GALK2: variants seen among roughly 807,000 people sequenced by gnomAD.
GALK2 encodes the protein N-acetylgalactosamine kinase.
GALK2 carries 36 observed loss-of-function variants against 52.4 expected under a neutral mutation model. The ratio of observed to expected loss-of-function variants is 0.69; its 90% CI spans 0.53 to 0.91. The LOEUF (loss-of-function observed/expected upper bound fraction) is 0.91. GALK2 is among the 40% of genes least tolerant of loss of function. GALK2 has a pLI of 0.00. For missense variants in GALK2, 579 were observed against 559.1 expected (o/e 1.04, Z -0.36); for synonymous variants, 176 against 199.1 (o/e 0.88, Z 0.98).
In GALK2 at chr15:49,319,693, C is replaced by T. The variant is rs577880125; in HGVS notation, c.1057C>T (p.Pro353Ser). The change falls in exon 9 of 10, where the codon CCT (proline) becomes TCT (serine). Residue 353 changes from proline to serine, a missense_variant. Pro to Ser is a moderately conservative substitution (Grantham distance 74). Coordinates refer to ENST00000560031, the MANE Select transcript of GALK2 (RefSeq NM_002044.4). ...LQFKKICEEA[P>S]ENMVQLLGEL... is the part of the protein sequence containing the mutation. The stretch of plus-strand genomic sequence containing the variant: ...GTTTAAGAAGATATGTGAAGAAGCA[C>T]CTGAAAACATGGTCCAGCTGCTGGG... 8 of 1,614,128 alleles carry T rather than the reference C, an allele frequency of 5.0e-6. No homozygotes were observed. Among genetic ancestry groups the T allele is most frequent in the Middle Eastern group, 3.3e-4 (2 of 6,060 alleles).
chr15:49,308,189 A>G (rs1202630493), intron 8 of GALK2, among the ~76,000 whole-genome samples: 1 of 152,202 alleles, frequency 6.6e-6, no homozygotes, highest in African/African-American at 2.4e-5. Flanking sequence ...TGCAAAGGGA[A>G]ACAGAGGACT....
rs570413182 is a variant in GALK2 at position 49,202,129 on chromosome 15, G to T, written c.142+879G>T. Among the ~76,000 whole-genome samples, 5 of 152,114 alleles carry T rather than the reference G, an allele frequency of 3.3e-5. No individual in the cohort carries two copies. In the South Asian group the frequency reaches 1.0e-3, roughly 32 times the overall value. On this transcript the variant is annotated intron_variant, in intron 2 of 9. Transcript: ENST00000560031. ...AGTGATTCTCCTGCCTCAGCCTCCCGAGTAGCTGGGATTACAGGCATGTGC... is the reference window on the plus strand; with the variant it reads ...AGTGATTCTCCTGCCTCAGCCTCCCTAGTAGCTGGGATTACAGGCATGTGC...
chr15:49,328,118 A>G lies in GALK2; in HGVS notation c.1336A>G (p.Thr446Ala). 1 of 1,614,136 alleles carries G rather than the reference A, an allele frequency of 6.2e-7. No individual in the cohort carries two copies. Among genetic ancestry groups the G allele is most frequent in the Admixed American group, 1.7e-5 (1 of 60,014 alleles). ...LAPEKQSLFATKPGGGALVLL... is the reference protein window; with the variant it reads ...LAPEKQSLFAAKPGGGALVLL... ...ACCGGAGAAGCAAAGTTTGTTTGCT[A>G]CCAAACCTGGAGGTGGGGCTTTGGT... The change falls in exon 10 of 10, where the codon ACC becomes GCC. Residue 446 changes from threonine (T) to alanine (A), a missense_variant. Physicochemically the swap from Thr to Ala is moderately conservative, Grantham distance 58. Coordinates refer to ENST00000560031, the MANE Select transcript of GALK2 (RefSeq NM_002044.4).
At chr15:49,164,018 T>A (rs1479171669) in intron 1 of GALK2, among the ~76,000 whole-genome samples, 1 of 152,160 alleles carries the variant, frequency 6.6e-6, no homozygotes. Context: ...ATTAGTAAAG[T>A]TCTGGAAAGA....
chr15:49,209,357 C>T (rs2088609738), intron 2 of GALK2, among the ~76,000 whole-genome samples: 1 of 152,120 alleles, frequency 6.6e-6, no homozygotes, highest in Admixed American at 6.5e-5. Flanking sequence ...GCTCAGACTT[C>T]CAGTACTATT....
In GALK2 at chr15:49,330,974, A is replaced by G. The variant is rs2038609661; in HGVS notation, c.*2815A>G. On this transcript the variant is annotated 3_prime_UTR_variant, in exon 10 of 10. Coordinates refer to ENST00000560031, the MANE Select transcript of GALK2 (RefSeq NM_002044.4). ...AGACCCTGTTTCAACAACAACAACA[A>G]AAATGAATAGTCCTGTTTGCTTATT... 1 of 152,290 alleles carries G rather than the reference A, an allele frequency of 6.6e-6. No individual in the cohort carries two copies. The highest frequency in any genetic ancestry group is 2.4e-5 in the African/African-American group (1 of 41,450). 9.4% of individuals were successfully genotyped at this position (152,290 alleles called of 1,614,324 possible). A position where few individuals can be genotyped will look rare whatever the true frequency, so the allele number is the denominator to read the frequency against.
intron 5 of GALK2, 76 bp from the exon 6 acceptor site, chr15:49,281,911 G>A (rs2032754689): frequency 9.5e-7 from 1 of 1,049,670 alleles, no homozygotes; most frequent in Admixed American, 2.0e-5. Context: ...AAACCTGTTT[G>A]TCATGCCTGT....
chr15:49,172,291 A>G (rs1410914739), intron 1 of GALK2, among the ~76,000 whole-genome samples: 1 of 152,168 alleles, frequency 6.6e-6, no homozygotes, highest in Non-Finnish European at 1.5e-5. Flanking sequence ...TATATTATTC[A>G]TGTAACAAAT....
intron 1 of GALK2, among the ~76,000 whole-genome samples, chr15:49,164,345 CA>C (rs34702340): frequency 0.43 from 61,217 of 143,672 alleles, 12,500 homozygotes; most frequent in African/African-American, 0.44. Context: ...AAATGTATTC[CA>C]AAAAAAAAAA....
chr15:49,185,430 G>A (rs2086273519), intron 1 of GALK2, among the ~76,000 whole-genome samples: 1 of 152,160 alleles, frequency 6.6e-6, no homozygotes, highest in Non-Finnish European at 1.5e-5. Flanking sequence ...GAATAGCACA[G>A]CAATGAACAT....
intron 2 of GALK2, among the ~76,000 whole-genome samples, chr15:49,211,185 C>T (rs1326451085): frequency 6.6e-6 from 1 of 152,122 alleles, no homozygotes; most frequent in African/African-American, 2.4e-5. Context: ...TTTTTTTCAC[C>T]AGATATCATC....
intron 5 of GALK2, among the ~76,000 whole-genome samples, chr15:49,264,109 G>A (rs1048928939): frequency 1.6e-3 from 240 of 151,690 alleles, no homozygotes; most frequent in Middle Eastern, 3.4e-3. Flanking sequence ...GAATCTGAAC[G>A]TTGGCCTGCC....
At chr15:49,250,012 A>G (rs138119828) in intron 5 of GALK2, among the ~76,000 whole-genome samples, 6 of 152,314 alleles carry the variant, frequency 3.9e-5, no homozygotes, top group Non-Finnish European at 7.4e-5. Context: ...GTACTAGCCA[A>G]TGGAAACCGG....
intron 8 of GALK2, among the ~76,000 whole-genome samples, chr15:49,292,817 T>C (rs137971327): frequency 8.3e-4 from 126 of 152,318 alleles, no homozygotes; most frequent in African/African-American, 2.9e-3. Flanking sequence ...TTATCCATTT[T>C]TTTCTGGTTA....
chr15:49,300,947 G>C (rs1279466099), intron 8 of GALK2, among the ~76,000 whole-genome samples: 1 of 152,130 alleles, frequency 6.6e-6, no homozygotes, highest in African/African-American at 2.4e-5. Context: ...TGTGGTGGCA[G>C]GTACCAGTTT....
intron 3 of GALK2, among the ~76,000 whole-genome samples, chr15:49,229,756 C>T (rs967826264): frequency 2.0e-5 from 3 of 151,994 alleles, no homozygotes; most frequent in African/African-American, 7.3e-5. Flanking sequence ...GGCCCAGCTG[C>T]GGGGGAGAGT....
chr15:49,333,581 G>C (rs1312743819), downstream of GALK2, among the ~76,000 whole-genome samples: 2 of 152,134 alleles, frequency 1.3e-5, no homozygotes, highest in African/African-American at 4.8e-5. Flanking sequence ...AAAGTTTTTG[G>C]TGAAAAGTGA....
intron 3 of GALK2, among the ~76,000 whole-genome samples, chr15:49,341,917 T>G (rs918396582): frequency 2.6e-5 from 4 of 152,258 alleles, no homozygotes; most frequent in Admixed American, 6.5e-5. Flanking sequence ...GAGTTTGGTT[T>G]TTTTGAATTT....
At chr15:49,354,526 G>A (rs908924748) in intron 3 of GALK2, among the ~76,000 whole-genome samples, 1 of 152,204 alleles carries the variant, frequency 6.6e-6, no homozygotes, top group African/African-American at 2.4e-5. Context: ...CCTGAATACT[G>A]CACTTTTCCG....
Sources: gnomAD v4.1 joint callset for allele counts (sites outside exome capture counted in the v4.1 genomes callset) on GRCh38, gnomAD v4.1.1 for gene constraint, MANE v1.5 for transcripts, NCBI Gene and HGNC (gene_info 2026-07-23, HGNC 2026-07-21) for gene names.